The following DDAH2 variants were observed in gnomAD, a reference collection of about 807,000 sequenced individuals.
DDAH2 encodes DDAH family member 2, ADMA-independent.
In DDAH2, 8 loss-of-function variants were observed where a neutral mutation model predicts 24.8. The ratio of observed to expected loss-of-function variants is 0.32; its 90% confidence interval spans 0.19 to 0.58. The LOEUF is 0.58. DDAH2 is among the 20% of genes least tolerant of loss of function. The pLI is 0.87. For synonymous variants in DDAH2, 151 were observed against 166.1 expected (o/e 0.91, Z 0.70); for missense variants, 281 against 379.0 (o/e 0.74, Z 2.15).
rs1807491262 is a variant in DDAH2, at chr6:31,727,740, T to C, written c.592-48A>G. 1.3e-6 allele frequency: 2 copies of C among 1,533,372 alleles called. No homozygotes were observed. Among genetic ancestry groups the C allele is most frequent in the East Asian group, 2.3e-5 (1 of 44,168 alleles). The allele number at this position is 1,533,372 out of a possible 1,614,324, so 95.0% of individuals were successfully genotyped here. A position where few individuals can be genotyped will look rare whatever the true frequency, so the allele number is the denominator to read the frequency against. On this transcript the variant is annotated intron_variant, in intron 4 of 5. Transcript: ENST00000375789. This position sits in a 1 kb window ranked among gnomAD's most constrained non-coding sequence, Gnocchi z 6.0. Reference sequence around the variant, plus strand: ...GAGTCTCAGAACCTCTCCACAGCTGTGTCTGCCTGCTCAACCACCACTAAG... The same window carrying C: ...GAGTCTCAGAACCTCTCCACAGCTGCGTCTGCCTGCTCAACCACCACTAAG...
rs142513856 is a variant in DDAH2 at position 31,727,550 on chromosome 6, C to T, written c.734G>A (p.Ser245Asn). Reference sequence around the variant, plus strand: ...GTTCCTGCCCTCTCTCACCTCCTGGCTGTTGGGCAGATCCCCACCTCCACG... The same window carrying T: ...GTTCCTGCCCTCTCTCACCTCCTGGTTGTTGGGCAGATCCCCACCTCCACG... Reference protein sequence around the residue: ...LHRGGGDLPNSQEALQKLSDV... With the variant: ...LHRGGGDLPNNQEALQKLSDV... Residue 245 changes from serine to asparagine, a missense_variant, in exon 5 of 6, where the codon AGC becomes AAC. Coordinates refer to ENST00000375789, the MANE Select transcript of DDAH2 (RefSeq NM_001303007.2). The surrounding 1 kb of genome is among the most constrained non-coding windows in gnomAD (Gnocchi z 6.0). The T allele has an allele frequency of 7.7e-5, 124 of 1,612,990 alleles. No individual in the cohort carries two copies. Among genetic ancestry groups the T allele is most frequent in the Non-Finnish European group, 9.7e-5 (114 of 1,180,032 alleles).
Position 31,728,207 on chromosome 6 carries a change from G to A in DDAH2, c.557C>T (p.Ala186Val), listed in dbSNP as rs1807533571. The change falls in exon 4 of 6, where the codon GCA (alanine) becomes GTA (valine). Residue 186 changes from alanine to valine, a missense_variant. By Grantham distance (64) the Ala-to-Val change is moderately conservative. Coordinates refer to ENST00000375789, the MANE Select transcript of DDAH2 (RefSeq NM_001303007.2). This position sits in a 1 kb window ranked among gnomAD's most constrained non-coding sequence, Gnocchi z 9.8. ...CGMGGPRTVV[A>V]GSSDAAQKAV... is the part of the protein sequence containing the mutation. ...CTTTTGGGCAGCGTCGCTGCTGCCT[G>A]CCACAACAGTGCGAGGTCCCCCCAT... The A allele has an allele frequency of 6.2e-7, 1 of 1,612,554 alleles. No homozygotes were observed. The highest frequency in any genetic ancestry group is 8.5e-7 in the Non-Finnish European group (1 of 1,179,938).
In DDAH2 at chr6:31,728,484, G is replaced by C. The variant is rs1328245325; in HGVS notation, c.438C>G (p.His146Gln). 2 of 1,612,820 alleles carry C rather than the reference G, an allele frequency of 1.2e-6. No homozygotes were observed. The highest frequency in any genetic ancestry group is 2.2e-5 in the South Asian group (2 of 91,068). Residue 146 changes from histidine (H) to glutamine (Q), a missense_variant, in exon 3 of 6, where the codon CAC becomes CAG. By Grantham distance (24) the His-to-Gln change is conservative. Coordinates refer to ENST00000375789, the MANE Select transcript of DDAH2 (RefSeq NM_001303007.2). This position sits in a 1 kb window ranked among gnomAD's most constrained non-coding sequence, Gnocchi z 9.8. ...TGTCCGCCACGATCTCAGCTCCTCG[G>C]TGATTGGTCCATTTGGAGAGGCCTA... ...FFVGLSKWTN[H>Q]RGAEIVADTF...
Position 31,729,279 on chromosome 6 carries a change from G to T in DDAH2, c.-118C>A. The T allele has an allele frequency of 1.1e-6, 1 of 950,096 alleles. No individual in the cohort carries two copies. The highest frequency in any genetic ancestry group is 1.6e-6 in the Non-Finnish European group (1 of 638,500). The allele number at this position is 950,096 out of a possible 1,614,324, so 58.9% of individuals were successfully genotyped here. On this transcript the variant is annotated 5_prime_UTR_variant, in exon 1 of 6. Coordinates refer to ENST00000375789, the MANE Select transcript of DDAH2 (RefSeq NM_001303007.2). The surrounding 1 kb of genome is among the most constrained non-coding windows in gnomAD (Gnocchi z 6.7). ...CAGAGAAAAAGACATGCAGACAAGG[G>T]CGTTGGGGGTGGTTAAGAGCGCCCA...
upstream of DDAH2, chr6:31,729,749 T>C (rs1057509053): frequency 3.9e-5 from 6 of 154,794 alleles, no homozygotes; most frequent in African/African-American, 1.4e-4. The surrounding 1 kb of genome is among the most constrained non-coding windows in gnomAD (Gnocchi z 6.7). Context: ...AAGCATCCTC[T>C]CTCCGCCCTG....
Position 31,727,116 on chromosome 6 carries a change from C to A in DDAH2, c.*121G>T. 1 of 739,388 alleles carries A rather than the reference C, an allele frequency of 1.4e-6. No individual in the cohort carries two copies. The highest frequency in any genetic ancestry group is 1.6e-5 in the South Asian group (1 of 62,762). 45.8% of individuals were successfully genotyped at this position (739,388 alleles called of 1,614,324 possible). The stretch of plus-strand genomic sequence containing the variant: ...GATCCTTTTCCCTACACTCTCCCCT[C>A]CCCCAATATTGAGGCTCTCTCCCAA... On this transcript the variant is annotated 3_prime_UTR_variant, in exon 6 of 6. Transcript: ENST00000375789. This position sits in a 1 kb window ranked among gnomAD's most constrained non-coding sequence, Gnocchi z 6.0.
rs750228711 is a variant in DDAH2, at chr6:31,729,060, G to T, written c.102C>A (p.Pro34=). 1.2e-6 allele frequency: 2 copies of T among 1,613,012 alleles called. No individual in the cohort carries two copies. The highest frequency in any genetic ancestry group is 1.7e-6 in the Non-Finnish European group (2 of 1,180,000). The change falls in exon 1 of 6, where the codon CCC becomes CCA. Residue 34 remains proline (P), a synonymous_variant. Transcript: ENST00000375789. The surrounding 1 kb of genome is among the most constrained non-coding windows in gnomAD (Gnocchi z 6.7). ...ASGEGAGAGL[P]ALDLAKAQRE... ...TTTGAGCTTTGGCCAGATCCAGAGC[G>T]GGAAGGCCAGCCCCCGCACCTTCCC...
chr6:31,728,686 G>C lies in DDAH2; in HGVS notation c.357C>G (p.Asp119Glu), dbSNP rs750457637. 6.2e-7 allele frequency: 1 copy of C among 1,612,960 alleles called. No homozygotes were observed. Among genetic ancestry groups the C allele is most frequent in the South Asian group, 1.1e-5 (1 of 91,076 alleles). Residue 119 changes from aspartate (D) to glutamate (E), a missense_variant, in exon 2 of 6, where the codon GAC (aspartate) becomes GAG (glutamate). Coordinates refer to ENST00000375789, the MANE Select transcript of DDAH2 (RefSeq NM_001303007.2). This position sits in a 1 kb window ranked among gnomAD's most constrained non-coding sequence, Gnocchi z 9.8. Reference protein sequence around the residue: ...DLGLRIVEIGDENATLDGTDV... With the variant: ...DLGLRIVEIGEENATLDGTDV... ...CAGTGCCATCCAGCGTCGCGTTCTC[G>C]TCTCCTATTTCCACAATTCGGAGCC...
chr6:31,728,054 C>T lies in DDAH2; in HGVS notation c.591+119G>A. The T allele has an allele frequency of 4.1e-6, 5 of 1,222,388 alleles. No homozygotes were observed. Among genetic ancestry groups the T allele is most frequent in the Non-Finnish European group, 5.7e-6 (5 of 875,464 alleles). 75.7% of individuals were successfully genotyped at this position (1,222,388 alleles called of 1,614,324 possible). Reference sequence around the variant, plus strand: ...CTTCTTATTTTCTCCTGTGTTCTTTCATGTAAGATGGACAGCCCATTGAGG... The same window carrying T: ...CTTCTTATTTTCTCCTGTGTTCTTTTATGTAAGATGGACAGCCCATTGAGG... On this transcript the variant is annotated intron_variant, in intron 4 of 5. Coordinates refer to ENST00000375789, the MANE Select transcript of DDAH2 (RefSeq NM_001303007.2). This position sits in a 1 kb window ranked among gnomAD's most constrained non-coding sequence, Gnocchi z 9.8.
chr6:31,728,799 C>A lies in DDAH2; in HGVS notation c.298-54G>T. 1 of 1,610,904 alleles carries A rather than the reference C, an allele frequency of 6.2e-7. No individual in the cohort carries two copies. Among genetic ancestry groups the A allele is most frequent in the South Asian group, 1.1e-5 (1 of 90,870 alleles). ...TGTGACACCCCCATCCTCAATTCTT[C>A]CCCAAAGCCCCGACATCCAGTTCCT... On this transcript the variant is annotated intron_variant, in intron 1 of 5. Transcript: ENST00000375789. The surrounding 1 kb of genome is among the most constrained non-coding windows in gnomAD (Gnocchi z 9.8).
Position 31,727,474 on chromosome 6 carries a change from T to G in DDAH2, c.741+69A>C. 6.2e-7 allele frequency: 1 copy of G among 1,610,438 alleles called. No homozygotes were observed. On this transcript the variant is annotated intron_variant, in intron 5 of 5. Coordinates refer to ENST00000375789, the MANE Select transcript of DDAH2 (RefSeq NM_001303007.2). This position sits in a 1 kb window ranked among gnomAD's most constrained non-coding sequence, Gnocchi z 6.0. Reference sequence around the variant, plus strand: ...TTCTAGAGAAGGTACCCTTCCTTCCTCCCACTAGGAAAGCCTGAAACTCTT... The same window carrying G: ...TTCTAGAGAAGGTACCCTTCCTTCCGCCCACTAGGAAAGCCTGAAACTCTT...
rs751063270 is a variant in DDAH2, at chr6:31,727,569, C to G, written c.715G>C (p.Gly239Arg). 2 of 1,613,090 alleles carry G rather than the reference C, an allele frequency of 1.2e-6. No homozygotes were observed. The highest frequency in any genetic ancestry group is 2.2e-5 in the South Asian group (2 of 91,082). ...GVPPFLLHRG[G>R]GDLPNSQEAL... ...TCCTGGCTGTTGGGCAGATCCCCACCTCCACGGTGCAGGAGGAAAGGGGGC... is the reference window on the plus strand; with the variant it reads ...TCCTGGCTGTTGGGCAGATCCCCACGTCCACGGTGCAGGAGGAAAGGGGGC... Residue 239 changes from glycine (G) to arginine (R), a missense_variant, in exon 5 of 6, where the codon GGT (glycine) becomes CGT (arginine). By Grantham distance (125) the Gly-to-Arg change is moderately radical. Coordinates refer to ENST00000375789, the MANE Select transcript of DDAH2 (RefSeq NM_001303007.2). This position sits in a 1 kb window ranked among gnomAD's most constrained non-coding sequence, Gnocchi z 6.0.
At position 31,729,193 on chromosome 6, in the gene DDAH2, C is replaced by T; in HGVS notation, c.-32G>A. On this transcript the variant is annotated 5_prime_UTR_variant, in exon 1 of 6. Transcript: ENST00000375789. This position sits in a 1 kb window ranked among gnomAD's most constrained non-coding sequence, Gnocchi z 6.7. ...CACACAGACTCCCCCTCCAACCGCT[C>T]GGATTTCTTAGTTTTCTTGTTTCTT... 6.6e-7 allele frequency: 1 copy of T among 1,504,334 alleles called. No homozygotes were observed. The allele number at this position is 1,504,334 out of a possible 1,614,324, so 93.2% of individuals were successfully genotyped here.
At position 31,727,535 on chromosome 6, in the gene DDAH2, T is replaced by C. The variant is rs1475983721; in HGVS notation, c.741+8A>G. ...GTGCTTGGTGTTGGAGTTCCTGCCC[T>C]CTCTCACCTCCTGGCTGTTGGGCAG... On this transcript the variant is annotated splice_region_variant and intron_variant, in intron 5 of 5. Coordinates refer to ENST00000375789, the MANE Select transcript of DDAH2 (RefSeq NM_001303007.2). The surrounding 1 kb of genome is among the most constrained non-coding windows in gnomAD (Gnocchi z 6.0). The C allele has an allele frequency of 9.9e-6, 16 of 1,612,922 alleles. No homozygotes were observed. In the Admixed American group the frequency reaches 1.0e-4, roughly 10 times the overall value.
In DDAH2 at chr6:31,727,302, G is replaced by A; in HGVS notation, c.793C>T (p.Leu265=). 2 of 1,613,120 alleles carry A rather than the reference G, an allele frequency of 1.2e-6. No homozygotes were observed. Among genetic ancestry groups the A allele is most frequent in the Non-Finnish European group, 1.7e-6 (2 of 1,180,038 alleles). The part of the protein sequence containing the change: ...VTLVPVSCSE[L]EKAGAGLSSL... ...CTGAGCCCGGCGCCAGCCTTCTCCA[G>A]TTCTGAGCAGGACACAGGTACCAGG... Residue 265 remains leucine (L), a synonymous_variant, in exon 6 of 6, where the codon CTG becomes TTG. Coordinates refer to ENST00000375789, the MANE Select transcript of DDAH2 (RefSeq NM_001303007.2). The surrounding 1 kb of genome is among the most constrained non-coding windows in gnomAD (Gnocchi z 6.0).
chr6:31,728,396 C>A lies in DDAH2; in HGVS notation c.471+55G>T, dbSNP rs532597911. ...CTCATTTCCTCAGCGGGCGCCCAGG[C>A]CCTTCCGACCCCCACCTGCACCCCC... On this transcript the variant is annotated intron_variant, in intron 3 of 5. Coordinates refer to ENST00000375789, the MANE Select transcript of DDAH2 (RefSeq NM_001303007.2). This position sits in a 1 kb window ranked among gnomAD's most constrained non-coding sequence, Gnocchi z 9.8. The A allele has an allele frequency of 6.6e-4, 1,058 of 1,610,210 alleles. 1 individual carries two copies. The highest frequency in any genetic ancestry group is 3.0e-3 in the Admixed American group (177 of 59,872).
chr6:31,730,242 T>A (rs898117007), upstream of DDAH2: 1 of 159,806 alleles, frequency 6.3e-6, no homozygotes, highest in Non-Finnish European at 1.4e-5. This position sits in a 1 kb window ranked among gnomAD's most constrained non-coding sequence, Gnocchi z 5.1. Flanking sequence ...GTCTGGCGGC[T>A]CCGGGGCATT....
chr6:31,728,061 G>T lies in DDAH2; in HGVS notation c.591+112C>A, dbSNP rs946538152. The stretch of plus-strand genomic sequence containing the variant: ...TTTTCTCCTGTGTTCTTTCATGTAA[G>T]ATGGACAGCCCATTGAGGGCAGGGG... On this transcript the variant is annotated intron_variant, in intron 4 of 5. Coordinates refer to ENST00000375789, the MANE Select transcript of DDAH2 (RefSeq NM_001303007.2). This position sits in a 1 kb window ranked among gnomAD's most constrained non-coding sequence, Gnocchi z 9.8. 2 of 1,273,488 alleles carry T rather than the reference G, an allele frequency of 1.6e-6. No homozygotes were observed. Among genetic ancestry groups the T allele is most frequent in the Non-Finnish European group, 2.2e-6 (2 of 916,288 alleles). The allele number at this position is 1,273,488 out of a possible 1,614,324, so 78.9% of individuals were successfully genotyped here. A position where few individuals can be genotyped will look rare whatever the true frequency, so the allele number is the denominator to read the frequency against.
At position 31,727,599 on chromosome 6, in the gene DDAH2, C is replaced by G. The variant is rs1376257916; in HGVS notation, c.685G>C (p.Gly229Arg). 2 of 1,612,952 alleles carry G rather than the reference C, an allele frequency of 1.2e-6. No homozygotes were observed. Among genetic ancestry groups the G allele is most frequent in the Non-Finnish European group, 8.5e-7 (1 of 1,180,020 alleles). Reference sequence around the variant, plus strand: ...CGGTGCAGGAGGAAAGGGGGCACACCAGGCAACCCAGGACGAAGAAAGAGA... The same window carrying G: ...CGGTGCAGGAGGAAAGGGGGCACACGAGGCAACCCAGGACGAAGAAAGAGA... ...DCLFLRPGLP[G>R]VPPFLLHRGG... The change falls in exon 5 of 6, where the codon GGT (glycine) becomes CGT (arginine). Residue 229 changes from glycine to arginine, a missense_variant. Coordinates refer to ENST00000375789, the MANE Select transcript of DDAH2 (RefSeq NM_001303007.2). This position sits in a 1 kb window ranked among gnomAD's most constrained non-coding sequence, Gnocchi z 6.0.
Sources: gnomAD v4.1 joint callset for allele counts on GRCh38, gnomAD v4.1.1 for gene constraint, Gnocchi (gnomAD v3.1) non-coding constraint, MANE v1.5 for transcripts, NCBI Gene and HGNC (gene_info 2026-07-23, HGNC 2026-07-21) for gene names.